The following PRKCB variants were observed in gnomAD, a reference collection of about 807,000 sequenced individuals.
PRKCB encodes the protein protein kinase C beta type.
PRKCB carries 13 observed loss-of-function variants against 81.5 expected under a neutral mutation model. The observed-to-expected ratio is 0.16, with a 90% CI of 0.10 to 0.25. PRKCB has a LOEUF of 0.25. PRKCB is among the 10% of genes least tolerant of loss of function. PRKCB has a pLI of 1.00. For missense variants in PRKCB, 509 were observed against 875.7 expected, an observed-to-expected ratio of 0.58 and a Z score of 5.29; for synonymous variants, 335 against 321.4, an observed-to-expected ratio of 1.04 and a Z score of -0.45.
intron 16 of PRKCB, among the ~76,000 whole-genome samples, chr16:24,200,092 T>G (rs1967935733): frequency 6.6e-6 from 1 of 152,170 alleles, no homozygotes; most frequent in Non-Finnish European, 1.5e-5. Context: ...AAGATGCAAA[T>G]CTTATTTGTT....
At chr16:23,981,486 T>C (rs73540943) in intron 2 of PRKCB, among the ~76,000 whole-genome samples, 2,100 of 152,182 alleles carry the variant, frequency 0.014, 49 homozygotes, top group African/African-American at 0.048. Flanking sequence ...GACACGGATA[T>C]CTGGTGGTGG....
chr16:24,143,421 C>T (rs567052982), intron 9 of PRKCB, among the ~76,000 whole-genome samples: 17 of 152,130 alleles, frequency 1.1e-4, no homozygotes, highest in Middle Eastern at 3.4e-3. Flanking sequence ...CATGAGTCAC[C>T]GTGCCCGGCC....
At chr16:24,100,198 G>T (rs986740049) in intron 7 of PRKCB, among the ~76,000 whole-genome samples, 1 of 152,020 alleles carries the variant, frequency 6.6e-6, no homozygotes, top group Non-Finnish European at 1.5e-5. Flanking sequence ...ATAACAAGAC[G>T]TGTCCAATCT....
intron 16 of PRKCB, among the ~76,000 whole-genome samples, chr16:24,198,357 T>A (rs1162229817): frequency 6.6e-6 from 1 of 152,194 alleles, no homozygotes; most frequent in Non-Finnish European, 1.5e-5. Context: ...ATGAAGGGCT[T>A]ACTGTGAAAA....
intron 2 of PRKCB, among the ~76,000 whole-genome samples, chr16:23,940,127 G>T (rs1964120564): frequency 6.6e-6 from 1 of 152,114 alleles, no homozygotes; most frequent in African/African-American, 2.4e-5. Flanking sequence ...TTAGGAAAAT[G>T]CAAATTAAAA....
At chr16:24,206,295 G>T (rs779104884) in intron 16 of PRKCB, among the ~76,000 whole-genome samples, 1 of 152,176 alleles carries the variant, frequency 6.6e-6, no homozygotes, top group Non-Finnish European at 1.5e-5. Context: ...GTGGGAAACT[G>T]GAAGGCATAG....
chr16:24,177,282 G>A (rs1967550263), intron 12 of PRKCB, among the ~76,000 whole-genome samples: 1 of 152,156 alleles, frequency 6.6e-6, no homozygotes, highest in Non-Finnish European at 1.5e-5. Flanking sequence ...CAGGCAGGTG[G>A]TAAAATTAAA....
intron 2 of PRKCB, among the ~76,000 whole-genome samples, chr16:23,977,636 C>G (rs1257813306): frequency 2.0e-5 from 3 of 152,190 alleles, no homozygotes; most frequent in Non-Finnish European, 4.4e-5. Context: ...GAAGGATACA[C>G]AGGAGACTGG....
At chr16:24,181,110 A>G (rs902046222) in intron 13 of PRKCB, among the ~76,000 whole-genome samples, 182 bp downstream of exon 13, 1 of 152,244 alleles carries the variant, frequency 6.6e-6, no homozygotes, top group African/African-American at 2.4e-5. Context: ...GCACACATCC[A>G]GAAGCCCAAG....
chr16:23,946,064 C>G (rs1295697540), intron 2 of PRKCB, among the ~76,000 whole-genome samples: 1 of 152,182 alleles, frequency 6.6e-6, no homozygotes, highest in Non-Finnish European at 1.5e-5. Flanking sequence ...AGATTTATTT[C>G]CTCATTGCAG....
At chr16:23,910,029 G>T (rs562883116) in intron 2 of PRKCB, among the ~76,000 whole-genome samples, 1 of 152,304 alleles carries the variant, frequency 6.6e-6, no homozygotes, top group African/African-American at 2.4e-5. Context: ...AAGCAGTGCC[G>T]CCATGGGGAA....
intron 13 of PRKCB, among the ~76,000 whole-genome samples, chr16:24,182,735 C>T (rs547330003): frequency 6.6e-6 from 1 of 152,154 alleles, no homozygotes; most frequent in African/African-American, 2.4e-5. Context: ...GGGGAGGCAA[C>T]TTCACCAGCC....
At chr16:24,031,434 C>A (rs1965550277) in intron 3 of PRKCB, among the ~76,000 whole-genome samples, 1 of 152,142 alleles carries the variant, frequency 6.6e-6, no homozygotes, top group Non-Finnish European at 1.5e-5. Flanking sequence ...GTATGCATTT[C>A]CATTTGAAGG....
chr16:24,180,656 T>C, intron 12 of PRKCB, 134 bp from the exon 13 acceptor site: 2 of 1,054,058 alleles, frequency 1.9e-6, no homozygotes, highest in Admixed American at 4.7e-5. Flanking sequence ...CTGTTGGAGG[T>C]CAAAGGCTGG....
rs191847021 is a variant in PRKCB, at chr16:24,017,146, T to C, written c.289-14990T>C. Among the ~76,000 whole-genome samples the C allele has an allele frequency of 3.3e-5, 5 of 152,244 alleles. No individual in the cohort carries two copies. In the South Asian group the frequency reaches 6.2e-4, roughly 19 times the overall value. Reference sequence around the variant, plus strand: ...GCCTCTAGATACCAAGAGCTTATACTATGGTATGGTGCAACGGTGGGGAGA... The same window carrying C: ...GCCTCTAGATACCAAGAGCTTATACCATGGTATGGTGCAACGGTGGGGAGA... On this transcript the variant is annotated intron_variant, in intron 3 of 16. Transcript: ENST00000643927.
intron 5 of PRKCB, among the ~76,000 whole-genome samples, chr16:24,084,699 A>T (rs970571539): frequency 6.6e-6 from 1 of 152,186 alleles, no homozygotes; most frequent in African/African-American, 2.4e-5. Flanking sequence ...TAAAAATAAA[A>T]CAGAACTAGA....
In PRKCB at chr16:23,836,159, G is replaced by C. The variant is rs1383728074; in HGVS notation, c.-17G>C. On this transcript the variant is annotated 5_prime_UTR_variant, in exon 1 of 17. Transcript: ENST00000643927. ...CCGGGGCCGGCACCTCTCGGGCTCC[G>C]GCTCCCCGCGCGCAAGATGGCTGAC... is the stretch of plus-strand genomic sequence containing the variant. 4 of 1,498,022 alleles carry C rather than the reference G, an allele frequency of 2.7e-6. No homozygotes were observed. The highest frequency in any genetic ancestry group is 1.8e-6 in the Non-Finnish European group (2 of 1,126,072). The allele number at this position is 1,498,022 out of a possible 1,614,324, so 92.8% of individuals were successfully genotyped here.
At chr16:23,955,134 A>G (rs1232813376) in intron 2 of PRKCB, among the ~76,000 whole-genome samples, 4 of 152,040 alleles carry the variant, frequency 2.6e-5, no homozygotes, top group African/African-American at 4.8e-5. Context: ...AGGCACGACA[A>G]TCACTTGAAT....
chr16:23,873,210 G>GA (rs1304675240), intron 2 of PRKCB, among the ~76,000 whole-genome samples: 1 of 124,468 alleles, frequency 8.0e-6, no homozygotes, highest in Non-Finnish European at 1.8e-5. Context: ...AAAAAAAAAA[G>GA]AAAAAAAAAG....
Sources: gnomAD v4.1 joint callset for allele counts (sites outside exome capture counted in the v4.1 genomes callset) on GRCh38, gnomAD v4.1.1 for gene constraint, MANE v1.5 for transcripts, NCBI Gene and HGNC (gene_info 2026-07-23, HGNC 2026-07-21) for gene names.